PAQR5: variants seen among roughly 807,000 people sequenced by gnomAD.
PAQR5 encodes the protein progestin and adipoQ receptor family member 5.
PAQR5 carries 20 observed loss-of-function variants against 34.5 expected under a neutral mutation model. The observed-to-expected ratio is 0.58, with a 90% CI of 0.41 to 0.84. The LOEUF (loss-of-function observed/expected upper bound fraction) is 0.84, where lower values mean the gene tolerates loss of function less well. Among genes scored for constraint, PAQR5 ranks in the 40% least tolerant of loss-of-function variants. The probability of loss-of-function intolerance (pLI) is 0.00; values close to 1 mark genes in which losing one functional copy is unlikely to be tolerated. For synonymous variants in PAQR5, 131 were observed against 155.6 expected, an observed-to-expected ratio of 0.84 and a Z score of 1.18; for missense variants, 378 against 412.7, an observed-to-expected ratio of 0.92 and a Z score of 0.73.
intron 1 of PAQR5, among the ~76,000 whole-genome samples, chr15:69,307,376 C>T (rs1032015530): frequency 2.6e-5 from 4 of 152,024 alleles, no homozygotes; most frequent in African/African-American, 7.3e-5. Flanking sequence ...GTTTAAGTTT[C>T]GGAGGAACCA....
intron 3 of PAQR5, among the ~76,000 whole-genome samples, chr15:69,374,831 C>T (rs1459047702): frequency 6.6e-6 from 1 of 152,190 alleles, no homozygotes; most frequent in Admixed American, 6.5e-5. Flanking sequence ...GTCCCTCTTA[C>T]ATACAAGGAA....
At chr15:69,317,016 C>T (rs1023935877) in intron 1 of PAQR5, among the ~76,000 whole-genome samples, 17 of 152,142 alleles carry the variant, frequency 1.1e-4, no homozygotes, top group African/African-American at 4.1e-4. Context: ...GATGGGGTTT[C>T]ACCATGTTGG....
At chr15:69,308,914 G>A (rs1233186226) in intron 1 of PAQR5, among the ~76,000 whole-genome samples, 1 of 152,152 alleles carries the variant, frequency 6.6e-6, no homozygotes, top group Admixed American at 6.5e-5. Context: ...GGATCTTCCA[G>A]AGGGAACACT....
intron 6 of PAQR5, among the ~76,000 whole-genome samples, chr15:69,390,373 A>T: frequency 8.0e-6 from 1 of 124,788 alleles, no homozygotes; most frequent in Non-Finnish European, 1.7e-5. Flanking sequence ...TTTTTGAGAC[A>T]GGGTCTCTCT....
intron 3 of PAQR5, among the ~76,000 whole-genome samples, chr15:69,369,807 T>C (rs2055505076): frequency 6.6e-6 from 1 of 151,938 alleles, no homozygotes; most frequent in South Asian, 2.1e-4. Flanking sequence ...TTGAATTTAT[T>C]TCACACTCAC....
intron 1 of PAQR5, among the ~76,000 whole-genome samples, chr15:69,333,094 G>A (rs1567004427): frequency 6.6e-6 from 1 of 151,980 alleles, no homozygotes; most frequent in Non-Finnish European, 1.5e-5. Flanking sequence ...CTGGGAAAAG[G>A]TTTTTTCTTC....
At chr15:69,302,425 G>T (rs1042238049) in intron 1 of PAQR5, among the ~76,000 whole-genome samples, 1 of 152,102 alleles carries the variant, frequency 6.6e-6, no homozygotes, top group Non-Finnish European at 1.5e-5. Flanking sequence ...AAGGGGAGGG[G>T]ACACCCCACC....
chr15:69,400,429 C>A (rs1259764076), intron 8 of PAQR5, among the ~76,000 whole-genome samples: 1 of 152,138 alleles, frequency 6.6e-6, no homozygotes, highest in Non-Finnish European at 1.5e-5. Context: ...CGTGGTGGCT[C>A]ACACATGTAA....
chr15:69,395,145 G>T (rs913236245), intron 6 of PAQR5, among the ~76,000 whole-genome samples: 1 of 152,170 alleles, frequency 6.6e-6, no homozygotes, highest in Non-Finnish European at 1.5e-5. Flanking sequence ...AGGAGGGGGC[G>T]GCCTGCCGCG....
chr15:69,401,952 CAA>C (rs1477461532), intron 8 of PAQR5, among the ~76,000 whole-genome samples: 1 of 152,140 alleles, frequency 6.6e-6, no homozygotes, highest in Non-Finnish European at 1.5e-5. Context: ...AGGCTGGTCT[CAA>C]AACTCCTGGG....
At chr15:69,371,738 A>G (rs2140890279) in intron 3 of PAQR5, among the ~76,000 whole-genome samples, 1 of 152,278 alleles carries the variant, frequency 6.6e-6, no homozygotes, top group East Asian at 1.9e-4. Context: ...TGGTTTAGAA[A>G]AGTCCTATAC....
At chr15:69,307,147 T>G (rs928735856) in intron 1 of PAQR5, among the ~76,000 whole-genome samples, 4 of 151,628 alleles carry the variant, frequency 2.6e-5, no homozygotes, top group Non-Finnish European at 5.9e-5. Flanking sequence ...CAGGCTGGAG[T>G]GCAGTGGCAC....
At position 69,356,757 on chromosome 15, in the gene PAQR5, C is replaced by T. The variant is rs554119764; in HGVS notation, c.-115-3209C>T. Among the ~76,000 whole-genome samples, 3 of 152,310 alleles carry T rather than the reference C, an allele frequency of 2.0e-5. No individual in the cohort carries two copies. In the South Asian group the frequency reaches 6.2e-4, roughly 32 times the overall value. The stretch of plus-strand genomic sequence containing the variant: ...ACAACATTTGTCCTTTTGTAAGTGG[C>T]TCACTTCACTTAGCTTAAGGTCTTC... On this transcript the variant is annotated intron_variant, in intron 2 of 8. Coordinates refer to ENST00000395407, the MANE Select transcript of PAQR5 (RefSeq NM_017705.4).
chr15:69,318,608 T>C (rs1366994508), intron 1 of PAQR5, among the ~76,000 whole-genome samples: 4 of 151,938 alleles, frequency 2.6e-5, no homozygotes, highest in African/African-American at 7.2e-5. Flanking sequence ...TCCTTCTTCT[T>C]GGGGCACCTG....
At chr15:69,318,539 C>T (rs1263356104) in intron 1 of PAQR5, among the ~76,000 whole-genome samples, 5 of 152,002 alleles carry the variant, frequency 3.3e-5, no homozygotes, top group Admixed American at 6.6e-5. Context: ...GCACTGAGCA[C>T]GCACTCACTG....
Position 69,355,268 on chromosome 15 carries a change from C to T in PAQR5, c.-115-4698C>T, listed in dbSNP as rs369336390. On this transcript the variant is annotated intron_variant, in intron 2 of 8. Coordinates refer to ENST00000395407, the MANE Select transcript of PAQR5 (RefSeq NM_017705.4). The stretch of plus-strand genomic sequence containing the variant: ...AACTCTAATACAGGAGTATATTTGT[C>T]TTCTTTCTCTCTTTCTTTCTTTTCT... Among the ~76,000 whole-genome samples, 8 of 151,554 alleles carry T rather than the reference C, an allele frequency of 5.3e-5. No homozygotes were observed. The East Asian group carries it at 7.7e-4, about 15-fold the overall frequency.
chr15:69,317,848 T>C (rs1306684726), intron 1 of PAQR5, among the ~76,000 whole-genome samples: 1 of 152,138 alleles, frequency 6.6e-6, no homozygotes, highest in East Asian at 1.9e-4. Flanking sequence ...CAGGCCTCCC[T>C]ACTTGCCGTC....
intron 1 of PAQR5, among the ~76,000 whole-genome samples, chr15:69,333,387 GC>G (rs368888157): frequency 2.3e-4 from 35 of 152,274 alleles, no homozygotes; most frequent in African/African-American, 8.2e-4. Context: ...TTATGAGAGA[GC>G]TTTGGTGTGT....
intron 3 of PAQR5, among the ~76,000 whole-genome samples, chr15:69,376,805 T>G (rs894566473): frequency 1.3e-5 from 2 of 152,140 alleles, no homozygotes; most frequent in Admixed American, 6.5e-5. Flanking sequence ...AGTTGTCCAA[T>G]GTATGGATTT....
Sources: gnomAD v4.1 joint callset for allele counts (sites outside exome capture counted in the v4.1 genomes callset) on GRCh38, gnomAD v4.1.1 for gene constraint, MANE v1.5 for transcripts, NCBI Gene and HGNC (gene_info 2026-07-23, HGNC 2026-07-21) for gene names.